Variants in KIAA1191 observed in about 807,000 individuals in gnomAD.
KIAA1191 encodes the protein putative monooxygenase p33MONOX.
A neutral mutation model predicts 31.1 loss-of-function variants in KIAA1191; 22 were observed. The observed-to-expected ratio is 0.71, with a 90% CI of 0.51 to 1.01. KIAA1191 has a LOEUF of 1.01. Among genes scored for constraint, KIAA1191 ranks in the 50% least tolerant of loss-of-function variants. The pLI, the probability that KIAA1191 is intolerant of heterozygous loss-of-function variation, is 0.00. For synonymous variants in KIAA1191, 130 were observed against 143.9 expected (o/e 0.90, Z 0.69); for missense variants, 319 against 388.0 (o/e 0.82, Z 1.49).
At chr5:176,350,468 A>G (rs1045149307) in intron 6 of KIAA1191, 145 bp downstream of exon 6, 1 of 968,012 alleles carries the variant, frequency 1.0e-6, no homozygotes, top group African/African-American at 1.6e-5. Context: ...ATAGGTGGAT[A>G]AGCAAAAACT....
chr5:176,360,314 G>T (rs1000022065), intron 1 of KIAA1191, among the ~76,000 whole-genome samples: 6 of 151,614 alleles, frequency 4.0e-5, no homozygotes, highest in Admixed American at 1.3e-4. Flanking sequence ...CTGCCACCAC[G>T]CCTGGCTAAT....
intron 3 of KIAA1191, among the ~76,000 whole-genome samples, chr5:176,357,833 T>G (rs975703089): frequency 3.3e-5 from 5 of 152,036 alleles, no homozygotes; most frequent in Non-Finnish European, 5.9e-5. Flanking sequence ...TCTTAAAGAC[T>G]CCCACTGAAC....
intron 6 of KIAA1191, among the ~76,000 whole-genome samples, chr5:176,349,401 C>T (rs763652294): frequency 6.6e-6 from 1 of 152,142 alleles, no homozygotes; most frequent in Non-Finnish European, 1.5e-5. Context: ...CAAACAGGGC[C>T]GGGTGCGGTG....
intron 1 of KIAA1191, among the ~76,000 whole-genome samples, chr5:176,360,298 A>G (rs958052267): frequency 1.6e-4 from 24 of 151,746 alleles, no homozygotes; most frequent in Admixed American, 1.6e-3. Flanking sequence ...CTGGGACTAC[A>G]GGCGTCTGCC....
At chr5:176,348,218 A>G in intron 7 of KIAA1191, 32 bp downstream of exon 7, 2 of 1,607,368 alleles carry the variant, frequency 1.2e-6, no homozygotes, top group Non-Finnish European at 1.7e-6. Flanking sequence ...TGAAGCACGC[A>G]GGAACTCGGA....
intron 2 of KIAA1191, 60 bp from the exon 3 acceptor site, chr5:176,359,627 C>A: frequency 1.2e-6 from 1 of 817,262 alleles, no homozygotes; most frequent in South Asian, 1.4e-5. Context: ...GTTCTTCTGG[C>A]AGGCACACAG....
At chr5:176,351,484 G>A (rs908850232) in intron 5 of KIAA1191, among the ~76,000 whole-genome samples, 2 of 150,862 alleles carry the variant, frequency 1.3e-5, no homozygotes, top group African/African-American at 4.9e-5. Flanking sequence ...TATAGGTGGT[G>A]CGTGATGGCT....
intron 3 of KIAA1191, chr5:176,356,226 G>C (rs1224738820): frequency 5.6e-6 from 1 of 178,230 alleles, no homozygotes; most frequent in Non-Finnish European, 1.2e-5. Flanking sequence ...AAACCTATCT[G>C]ATTTCAAAGC....
At chr5:176,360,459 GT>G (rs1049844343) in intron 1 of KIAA1191, among the ~76,000 whole-genome samples, 9 of 142,980 alleles carry the variant, frequency 6.3e-5, no homozygotes, top group Admixed American at 1.4e-4. Flanking sequence ...CCCGACCCCA[GT>G]TTTTTTTTTA....
At chr5:176,358,314 A>G (rs896037760) in intron 3 of KIAA1191, among the ~76,000 whole-genome samples, 2 of 152,256 alleles carry the variant, frequency 1.3e-5, no homozygotes, top group African/African-American at 4.8e-5. Flanking sequence ...TTATTATTTG[A>G]TAACTAGGAA....
intron 3 of KIAA1191, among the ~76,000 whole-genome samples, chr5:176,359,132 A>T (rs982927183): frequency 3.4e-5 from 5 of 147,588 alleles, no homozygotes; most frequent in African/African-American, 1.3e-4. Flanking sequence ...CAGCCTGGCC[A>T]ATATGGTGAA....
chr5:176,347,614 G>T lies in KIAA1191; in HGVS notation c.904C>A (p.Pro302Thr). 6.6e-7 allele frequency: 1 copy of T among 1,517,698 alleles called. No individual in the cohort carries two copies. The allele number at this position is 1,517,698 out of a possible 1,614,324, so 94.0% of individuals were successfully genotyped here. A position where few individuals can be genotyped will look rare whatever the true frequency, so the allele number is the denominator to read the frequency against. ...LKPRDLNVLT[P>T]TGF ...GAAAGAGGGCTCTAGAAGCCAGTGG[G>T]TGTGAGCACATTCAGGTCACGGGGT... Residue 302 changes from proline to threonine, a missense_variant, in exon 9 of 9, where the codon CCC becomes ACC. Coordinates refer to ENST00000298569, the MANE Select transcript of KIAA1191 (RefSeq NM_020444.5).
chr5:176,348,421 A>C (rs1766708941), intron 6 of KIAA1191, 65 bp from the exon 7 acceptor site: 1 of 1,274,336 alleles, frequency 7.8e-7, no homozygotes, highest in Non-Finnish European at 1.1e-6. Flanking sequence ...AGATAAGTCT[A>C]GGCATAAAAA....
At chr5:176,352,573 C>A in intron 5 of KIAA1191, 49 bp downstream of exon 5, 17 of 1,592,228 alleles carry the variant, frequency 1.1e-5, no homozygotes, top group Non-Finnish European at 1.5e-5. Context: ...GAAGCCTCAA[C>A]TCTTCCCTGC....
intron 3 of KIAA1191, among the ~76,000 whole-genome samples, chr5:176,357,568 GC>G (rs1423913000): frequency 6.6e-6 from 1 of 152,028 alleles, no homozygotes; most frequent in Non-Finnish European, 1.5e-5. Flanking sequence ...CAATCAACTT[GC>G]CCAATATCAC....
chr5:176,349,382 T>C (rs1766794226), intron 6 of KIAA1191, among the ~76,000 whole-genome samples: 1 of 152,126 alleles, frequency 6.6e-6, no homozygotes, highest in African/African-American at 2.4e-5. Context: ...GAATGCTCAT[T>C]ACAAAATGCA....
At position 176,347,007 on chromosome 5, in the gene KIAA1191, A is replaced by G. The variant is rs991371159; in HGVS notation, c.*593T>C. On this transcript the variant is annotated 3_prime_UTR_variant, in exon 9 of 9. Coordinates refer to ENST00000298569, the MANE Select transcript of KIAA1191 (RefSeq NM_020444.5). The stretch of plus-strand genomic sequence containing the variant: ...TTCTTTACCTAGTAAGCAGTGATCA[A>G]AGTTCTTACCTAGGGTAAATGATGA... 1 of 152,168 alleles carries G rather than the reference A, an allele frequency of 6.6e-6. No homozygotes were observed. Among genetic ancestry groups the G allele is most frequent in the Admixed American group, 6.5e-5 (1 of 15,286 alleles). The allele number at this position is 152,168 out of a possible 1,614,324, so 9.4% of individuals were successfully genotyped here. A position where few individuals can be genotyped will look rare whatever the true frequency, so the allele number is the denominator to read the frequency against.
chr5:176,353,378 G>C (rs1407094797), intron 4 of KIAA1191: 1 of 152,262 alleles, frequency 6.6e-6, no homozygotes, highest in East Asian at 1.9e-4. Flanking sequence ...ACCTGCAAGA[G>C]CTGGCAGCCT....
intron 6 of KIAA1191, among the ~76,000 whole-genome samples, chr5:176,350,122 A>T (rs1030335845): frequency 1.3e-5 from 2 of 152,198 alleles, no homozygotes; most frequent in African/African-American, 4.8e-5. Flanking sequence ...AAATGAATGC[A>T]AGTGCTTCAC....
Sources: allele counts gnomAD v4.1 joint callset (sites outside exome capture counted in the v4.1 genomes callset), GRCh38; gene constraint gnomAD v4.1.1; transcripts MANE v1.5; gene names NCBI Gene and HGNC (gene_info 2026-07-23, HGNC 2026-07-21).